Variants in NAALADL2 observed in about 807,000 individuals in gnomAD.
The protein encoded by NAALADL2 is inactive N-acetylated-alpha-linked acidic dipeptidase-like protein 2.
Under a neutral mutation model 87.2 loss-of-function variants are expected in NAALADL2, and 76 were observed. The ratio of observed to expected loss-of-function variants is 0.87; its 90% CI spans 0.72 to 1.05. The LOEUF (loss-of-function observed/expected upper bound fraction) is 1.05. NAALADL2 is among the 50% of genes least tolerant of loss of function. NAALADL2 has a pLI of 0.00. For missense variants in NAALADL2, 1,089 were observed against 945.8 expected (o/e 1.15, Z -1.99); for synonymous variants, 354 against 331.0 (o/e 1.07, Z -0.75).
At chr3:175,368,025 A>G (rs369808580) in intron 5 of NAALADL2, among the ~76,000 whole-genome samples, 3,788 of 151,982 alleles carry the variant, frequency 0.025, 169 homozygotes, top group African/African-American at 0.087. Context: ...TTTGAGATAC[A>G]TCCCATCAAT....
At chr3:175,536,267 G>T (rs2149456760) in intron 9 of NAALADL2, among the ~76,000 whole-genome samples, 1 of 152,180 alleles carries the variant, frequency 6.6e-6, no homozygotes, top group African/African-American at 2.4e-5. Flanking sequence ...TAATATTTTT[G>T]GGAAAAATAT....
rs538064846 is a variant in NAALADL2, at chr3:175,142,720, G to T, written c.545+45429G>T. On this transcript the variant is annotated intron_variant, in intron 2 of 13. Coordinates refer to ENST00000454872, the MANE Select transcript of NAALADL2 (RefSeq NM_207015.3). ...TTCAGTATTTTGTAGAGACAAATTG[G>T]TTCTATGCCTGAGTCTTCATTTCAT... Among the ~76,000 whole-genome samples, 3 of 151,956 alleles carry T rather than the reference G, an allele frequency of 2.0e-5. No individual in the cohort carries two copies. In the East Asian group the frequency reaches 5.8e-4, roughly 29 times the overall value.
At chr3:175,630,666 G>C (rs1282287628) in intron 11 of NAALADL2, among the ~76,000 whole-genome samples, 2 of 151,518 alleles carry the variant, frequency 1.3e-5, no homozygotes, top group Non-Finnish European at 3.0e-5. Context: ...GAAGAGTTGA[G>C]GCCTTTAGAA....
At chr3:174,459,599 T>C (rs1716067396) in intron 1 of NAALADL2, 1 of 152,144 alleles carries the variant, frequency 6.6e-6, no homozygotes, top group Non-Finnish European at 1.5e-5. Context: ...AATTGCTGAG[T>C]TCTTCACCCT....
At chr3:175,455,000 G>C (rs7610967) in intron 6 of NAALADL2, among the ~76,000 whole-genome samples, 2 of 152,092 alleles carry the variant, frequency 1.3e-5, no homozygotes, top group Admixed American at 6.6e-5. Context: ...CATTGCTACT[G>C]CCTCTAAACC....
chr3:174,776,333 A>G (rs1416378724), intron 3 of NAALADL2, among the ~76,000 whole-genome samples: 2 of 152,176 alleles, frequency 1.3e-5, no homozygotes, highest in Non-Finnish European at 2.9e-5. Context: ...TATCAGAAAT[A>G]GAAACCATGA....
At chr3:175,658,036 T>A (rs1731744255) in intron 11 of NAALADL2, among the ~76,000 whole-genome samples, 1 of 152,076 alleles carries the variant, frequency 6.6e-6, no homozygotes, top group Admixed American at 6.6e-5. Flanking sequence ...CACATATTTT[T>A]AAACTTATTT....
At chr3:174,961,953 C>A (rs1031441081) in intron 1 of NAALADL2, among the ~76,000 whole-genome samples, 1 of 151,336 alleles carries the variant, frequency 6.6e-6, no homozygotes, top group South Asian at 2.1e-4. Flanking sequence ...AACACTGTAG[C>A]AGGGTTGGTC....
At chr3:175,776,291 G>A (rs1455211144) in intron 13 of NAALADL2, 4 of 152,160 alleles carry the variant, frequency 2.6e-5, no homozygotes, top group Non-Finnish European at 5.9e-5. Context: ...TTCCCTTGCT[G>A]TCTTTCATCC....
intron 4 of NAALADL2, among the ~76,000 whole-genome samples, chr3:175,282,551 G>T (rs182364621): frequency 4.6e-5 from 7 of 152,014 alleles, no homozygotes; most frequent in Admixed American, 3.3e-4. Flanking sequence ...AAAAATGAAA[G>T]AACTTCTTCA....
chr3:174,823,971 C>A (rs1276970956), intron 3 of NAALADL2, among the ~76,000 whole-genome samples: 1 of 152,120 alleles, frequency 6.6e-6, no homozygotes, highest in African/African-American at 2.4e-5. Context: ...TAAAATCTTT[C>A]AATTCTTAGT....
chr3:175,646,427 A>G (rs1439452901), intron 11 of NAALADL2, among the ~76,000 whole-genome samples: 1 of 152,096 alleles, frequency 6.6e-6, no homozygotes, highest in Admixed American at 6.6e-5. Flanking sequence ...ACTTATGTGG[A>G]TGGTTTTTCC....
At chr3:174,827,989 G>T (rs767251613) in intron 3 of NAALADL2, among the ~76,000 whole-genome samples, 5 of 152,010 alleles carry the variant, frequency 3.3e-5, no homozygotes, top group Non-Finnish European at 7.4e-5. Flanking sequence ...TTGAGAGAAG[G>T]CTGGGTATCA....
intron 2 of NAALADL2, among the ~76,000 whole-genome samples, chr3:175,189,116 C>T (rs1737770977): frequency 1.3e-5 from 2 of 152,036 alleles, no homozygotes; most frequent in South Asian, 2.1e-4. Context: ...TGAAAAATCC[C>T]ACAGCTAACA....
chr3:175,486,120 T>G (rs962117917), intron 9 of NAALADL2, among the ~76,000 whole-genome samples: 2 of 152,086 alleles, frequency 1.3e-5, no homozygotes, highest in Non-Finnish European at 2.9e-5. Context: ...CTTACCTACT[T>G]CAAAAAGTTG....
intron 5 of NAALADL2, among the ~76,000 whole-genome samples, chr3:175,387,803 G>T (rs1028997609): frequency 1.3e-5 from 2 of 152,082 alleles, no homozygotes; most frequent in African/African-American, 2.4e-5. Context: ...AATCTACAAT[G>T]TGTTGTCTAT....
In NAALADL2 at chr3:174,668,527, C is replaced by T. The variant is rs567265426; in HGVS notation, c.-114-69114C>T. 2.6e-5 allele frequency among the ~76,000 whole-genome samples: 4 copies of T among 152,192 alleles called. No individual in the cohort carries two copies. The South Asian group carries it at 8.3e-4, about 32-fold the overall frequency. On this transcript the variant is annotated intron_variant, in intron 2 of 3. Coordinates refer to the NAALADL2 transcript ENST00000434257. ...TGTTGGTGTGCTGCACCCAGTAACTCGTCATTTAACATTAGGTATATCTCC... is the reference window on the plus strand; with the variant it reads ...TGTTGGTGTGCTGCACCCAGTAACTTGTCATTTAACATTAGGTATATCTCC...
At chr3:174,977,393 G>A (rs1744500631) in intron 1 of NAALADL2, among the ~76,000 whole-genome samples, 1 of 152,140 alleles carries the variant, frequency 6.6e-6, no homozygotes, top group Non-Finnish European at 1.5e-5. Flanking sequence ...CCAAAGTACT[G>A]CGATTACAGG....
At chr3:175,390,684 C>T (rs772242959) in intron 5 of NAALADL2, among the ~76,000 whole-genome samples, 16 of 151,924 alleles carry the variant, frequency 1.1e-4, no homozygotes, top group Non-Finnish European at 4.4e-5. Context: ...AGCTTTTTTT[C>T]TGGTAAAAAG....
Sources: gnomAD v4.1 joint callset for allele counts (sites outside exome capture counted in the v4.1 genomes callset) on GRCh38, gnomAD v4.1.1 for gene constraint, MANE v1.5 for transcripts, NCBI Gene and HGNC (gene_info 2026-07-23, HGNC 2026-07-21) for gene names.